Variants in SLC15A5 observed in about 807,000 individuals in gnomAD.
The protein encoded by SLC15A5 is solute carrier family 15 member 5, also known as Peptide/histidine transporter ENSP00000340402.
Under a neutral mutation model 56.1 loss-of-function variants are expected in SLC15A5, and 58 were observed. That is an observed-to-expected ratio of 1.03 (90% CI 0.84 to 1.29). The LOEUF (loss-of-function observed/expected upper bound fraction) is 1.29. SLC15A5 is among the 50% of genes most tolerant of loss of function. SLC15A5 has a pLI of 0.00. For synonymous variants in SLC15A5, 264 were observed against 250.5 expected, an observed-to-expected ratio of 1.05 and a Z score of -0.51; for missense variants, 681 against 672.1, an observed-to-expected ratio of 1.01 and a Z score of -0.15.
chr12:16,248,836 T>A (rs751814853), intron 3 of SLC15A5, among the ~76,000 whole-genome samples: 1 of 152,074 alleles, frequency 6.6e-6, no homozygotes. Context: ...ACGAAAATAC[T>A]GAAATGAAAA....
In SLC15A5 at chr12:16,194,344, C is replaced by G. The variant is rs149695040; in HGVS notation, c.1592+1G>C. On this transcript the variant is annotated splice_donor_variant, in intron 8 of 8. Coordinates refer to ENST00000344941, the MANE Select transcript of SLC15A5 (RefSeq NM_001170798.1). LOFTEE classifies it high-confidence loss of function. ...TTTCATCTTACCACACACTTACTTA[C>G]CTTTGTGAAACACTGCAGAATCCCA... The G allele has an allele frequency of 1.3e-4, 201 of 1,523,968 alleles. 1 individual carries two copies. The East Asian group carries it at 4.2e-3, about 32-fold the overall frequency. The allele number at this position is 1,523,968 out of a possible 1,614,324, so 94.4% of individuals were successfully genotyped here.
chr12:16,226,320 A>G (rs1031966988), intron 5 of SLC15A5, among the ~76,000 whole-genome samples: 6 of 152,194 alleles, frequency 3.9e-5, no homozygotes, highest in African/African-American at 1.4e-4. Flanking sequence ...ACTACTTTTT[A>G]TTCAAGGTTG....
intron 2 of SLC15A5, among the ~76,000 whole-genome samples, chr12:16,265,029 T>C (rs963248206): frequency 6.6e-6 from 1 of 152,194 alleles, no homozygotes; most frequent in Non-Finnish European, 1.5e-5. Flanking sequence ...TTGAAGTTCA[T>C]GGCAAGAAGT....
At chr12:16,253,476 A>G (rs557908125) in intron 3 of SLC15A5, among the ~76,000 whole-genome samples, 1 of 152,256 alleles carries the variant, frequency 6.6e-6, no homozygotes, top group East Asian at 1.9e-4. Context: ...AAAAATGACC[A>G]AAGGACTTGA....
At position 16,243,314 on chromosome 12, in the gene SLC15A5, G is replaced by A. The variant is rs1460079654; in HGVS notation, c.975+1266C>T. ...CAACCTCCGCCTCCTGGGTTCAAGC[G>A]ATTCTCCAGCCTCAGCCTCCCAAGC... On this transcript the variant is annotated intron_variant, in intron 4 of 8. Coordinates refer to ENST00000344941, the MANE Select transcript of SLC15A5 (RefSeq NM_001170798.1). The surrounding 1 kb of genome is among the most constrained non-coding windows in gnomAD (Gnocchi z 4.4). Among the ~76,000 whole-genome samples the A allele has an allele frequency of 5.3e-5, 8 of 151,214 alleles. No individual in the cohort carries two copies. The highest frequency in any genetic ancestry group is 3.4e-3 in the Middle Eastern group (1 of 292).
chr12:16,235,282 G>A lies in SLC15A5; in HGVS notation c.1162+4399C>T, dbSNP rs11056834. ...TATATATATGTATATGTATATATAT[G>A]TATATATGTATATGTATATGTATAT... is the stretch of plus-strand genomic sequence containing the variant. On this transcript the variant is annotated intron_variant, in intron 5 of 8. Coordinates refer to ENST00000344941, the MANE Select transcript of SLC15A5 (RefSeq NM_001170798.1). This position sits in a 1 kb window ranked among gnomAD's most constrained non-coding sequence, Gnocchi z 4.1. Among the ~76,000 whole-genome samples the A allele has an allele frequency of 7.2e-6, 1 of 138,736 alleles. No homozygotes were observed. The highest frequency in any genetic ancestry group is 1.6e-5 in the Non-Finnish European group (1 of 63,634). The allele number at this position is 138,736 out of a possible 152,430, so 91.0% of individuals were successfully genotyped here.
At chr12:16,207,642 AT>A (rs891069657) in intron 7 of SLC15A5, among the ~76,000 whole-genome samples, 7 of 149,612 alleles carry the variant, frequency 4.7e-5, no homozygotes, top group East Asian at 3.9e-4. Flanking sequence ...CACCAGCGAT[AT>A]TTTTTTTTCT....
At chr12:16,201,101 C>T (rs1863950648) in intron 7 of SLC15A5, among the ~76,000 whole-genome samples, 1 of 151,944 alleles carries the variant, frequency 6.6e-6, no homozygotes, top group Admixed American at 6.6e-5. Flanking sequence ...ACATTAATTG[C>T]CAAAGTTGAA....
intron 3 of SLC15A5, among the ~76,000 whole-genome samples, chr12:16,246,738 C>G (rs558368098): frequency 3.3e-4 from 50 of 152,100 alleles, no homozygotes; most frequent in Middle Eastern, 3.4e-3. Context: ...ACTCACTAAC[C>G]GTTTTTTTGT....
chr12:16,240,347 TAAG>T (rs1388242458), intron 4 of SLC15A5, among the ~76,000 whole-genome samples: 1 of 152,034 alleles, frequency 6.6e-6, no homozygotes, highest in African/African-American at 2.4e-5. Flanking sequence ...GACTTTTTCC[TAAG>T]AAGAGGGGCC....
intron 2 of SLC15A5, among the ~76,000 whole-genome samples, chr12:16,270,699 C>T (rs1047015294): frequency 6.6e-6 from 1 of 152,150 alleles, no homozygotes; most frequent in Non-Finnish European, 1.5e-5. Context: ...TTGCCAAAGA[C>T]CATAAAACTC....
intron 2 of SLC15A5, among the ~76,000 whole-genome samples, chr12:16,262,600 C>T (rs1052684920): frequency 1.1e-4 from 17 of 152,164 alleles, no homozygotes; most frequent in African/African-American, 3.9e-4. Flanking sequence ...TTCTCCAACC[C>T]TGATTTCAGG....
chr12:16,252,849 A>G (rs1252874952), intron 3 of SLC15A5, among the ~76,000 whole-genome samples: 1 of 152,130 alleles, frequency 6.6e-6, no homozygotes, highest in Non-Finnish European at 1.5e-5. Flanking sequence ...CTTGAAAAAG[A>G]AAATTGAAGT....
chr12:16,256,816 A>G (rs61915939), intron 3 of SLC15A5, among the ~76,000 whole-genome samples: 25,620 of 150,696 alleles, frequency 0.17, 2,428 homozygotes, highest in Middle Eastern at 0.21. Flanking sequence ...CGGACATCGC[A>G]CCACTGCACG....
rs1235745079 is a variant in SLC15A5, at chr12:16,277,458, A to C, written c.228T>G (p.Asn76Lys). 2 of 1,536,448 alleles carry C rather than the reference A, an allele frequency of 1.3e-6. No homozygotes were observed. Among genetic ancestry groups the C allele is most frequent in the African/African-American group, 2.7e-5 (2 of 72,984 alleles). ...PFCTIKLGYH[N>K]CQAAILNLCF... is the part of the protein sequence containing the mutation. ...ACAAGTTTAAGATGGCTGCTTGGCA[A>C]TTGTGATAGCCAAGCTTGATAGTGC... The change falls in exon 1 of 9, where the codon AAT (asparagine) becomes AAG (lysine). Residue 76 changes from asparagine to lysine, a missense_variant. Transcript: ENST00000344941.
At chr12:16,244,101 T>C (rs971978812) in intron 4 of SLC15A5, among the ~76,000 whole-genome samples, 3 of 152,174 alleles carry the variant, frequency 2.0e-5, no homozygotes, top group Non-Finnish European at 2.9e-5. Context: ...AAGGAACTAA[T>C]AGAGTGGGTG....
intron 3 of SLC15A5, among the ~76,000 whole-genome samples, chr12:16,253,474 C>G (rs539989617): frequency 6.6e-6 from 1 of 152,084 alleles, no homozygotes; most frequent in African/African-American, 2.4e-5. Flanking sequence ...TAAAAAATGA[C>G]CAAAGGACTT....
In SLC15A5 at chr12:16,219,563, C is replaced by T. The variant is rs148594963; in HGVS notation, c.1352-2539G>A. ...TTTTCTCCTGCTAGAACTTCTGGTA[C>T]GGTATATAATTCATGAACACACTTT... On this transcript the variant is annotated intron_variant, in intron 6 of 8. Transcript: ENST00000344941. 3.9e-5 allele frequency among the ~76,000 whole-genome samples: 6 copies of T among 152,188 alleles called. No homozygotes were observed. In the East Asian group the frequency reaches 5.8e-4, roughly 15 times the overall value.
At chr12:16,192,347 G>A (rs1349914536) in intron 8 of SLC15A5, among the ~76,000 whole-genome samples, 4 of 151,984 alleles carry the variant, frequency 2.6e-5, no homozygotes, top group African/African-American at 7.2e-5. Flanking sequence ...GAGAAGATTT[G>A]GTAAGAATCA....
Sources: gnomAD v4.1 joint callset for allele counts (sites outside exome capture counted in the v4.1 genomes callset) on GRCh38, gnomAD v4.1.1 for gene constraint, Gnocchi (gnomAD v3.1) non-coding constraint, MANE v1.5 for transcripts, NCBI Gene and HGNC (gene_info 2026-07-23, HGNC 2026-07-21) for gene names.